COL26A1: variants seen among roughly 807,000 people sequenced by gnomAD.
COL26A1 encodes the protein collagen type XXVI alpha 1 chain.
In COL26A1, 41 loss-of-function variants were observed where a neutral mutation model predicts 59.3. The ratio of observed to expected loss-of-function variants is 0.69; its 90% CI spans 0.54 to 0.90. The LOEUF is 0.90. COL26A1 is among the 40% of genes least tolerant of loss of function. The pLI is 0.00. For missense variants in COL26A1, 612 were observed against 602.3 expected, an observed-to-expected ratio of 1.02 and a Z score of -0.17; for synonymous variants, 266 against 256.0, an observed-to-expected ratio of 1.04 and a Z score of -0.37.
intron 3 of COL26A1, among the ~76,000 whole-genome samples, chr7:101,527,350 A>G (rs939937863): frequency 1.3e-5 from 2 of 151,290 alleles, no homozygotes; most frequent in South Asian, 2.1e-4. Context: ...TCTTTTTGAG[A>G]TGGAGTCTAG....
intron 4 of COL26A1, among the ~76,000 whole-genome samples, chr7:101,538,788 C>T (rs538491676): frequency 6.6e-6 from 1 of 152,306 alleles, no homozygotes; most frequent in East Asian, 1.9e-4. Context: ...ACTTTGTCCC[C>T]AGGGATCCCA....
chr7:101,489,794 C>T (rs1794383070), intron 3 of COL26A1, among the ~76,000 whole-genome samples: 2 of 1,974 alleles, frequency 1.0e-3, no homozygotes, highest in Non-Finnish European at 1.2e-3. Flanking sequence ...TTCTTTCTTT[C>T]TTTCTTTCTT....
At chr7:101,453,609 A>C (rs891265665) in intron 3 of COL26A1, among the ~76,000 whole-genome samples, 2 of 152,086 alleles carry the variant, frequency 1.3e-5, no homozygotes, top group African/African-American at 2.4e-5. Flanking sequence ...TGAAAGTTTT[A>C]GGGTTAAGTG....
intron 8 of COL26A1, among the ~76,000 whole-genome samples, chr7:101,547,641 A>G (rs17135617): frequency 0.04 from 6,150 of 152,320 alleles, 133 homozygotes; most frequent in Middle Eastern, 0.12. Context: ...CATCATCCAC[A>G]TTCCTCATTG....
chr7:101,461,260 G>A (rs1462089353), intron 3 of COL26A1, among the ~76,000 whole-genome samples: 1 of 151,826 alleles, frequency 6.6e-6, no homozygotes, highest in Non-Finnish European at 1.5e-5. Context: ...CAAAGTGCTG[G>A]GATCACAGGT....
chr7:101,368,060 T>G (rs1190337442), intron 1 of COL26A1, among the ~76,000 whole-genome samples: 1 of 152,222 alleles, frequency 6.6e-6, no homozygotes, highest in African/African-American at 2.4e-5. Flanking sequence ...TTCAGGATTT[T>G]GTTGGTTATA....
At chr7:101,543,507 C>G (rs76983442) in intron 5 of COL26A1, among the ~76,000 whole-genome samples, 11,509 of 152,160 alleles carry the variant, frequency 0.076, 478 homozygotes, top group Middle Eastern at 0.11. Flanking sequence ...ACACAGCAAG[C>G]CTTACCTCTC....
intron 3 of COL26A1, among the ~76,000 whole-genome samples, chr7:101,474,161 G>A (rs1418152869): frequency 1.3e-5 from 2 of 152,178 alleles, no homozygotes; most frequent in Admixed American, 6.5e-5. Flanking sequence ...TTTTACAGAT[G>A]AGAAAGATGG....
intron 3 of COL26A1, among the ~76,000 whole-genome samples, chr7:101,511,493 A>C (rs1354776006): frequency 6.6e-6 from 1 of 152,222 alleles, no homozygotes; most frequent in Non-Finnish European, 1.5e-5. Context: ...AGCTATCCTA[A>C]GAAAAGGCGG....
At position 101,362,942 on chromosome 7, in the gene COL26A1, C is replaced by T. The variant is rs4989270; in HGVS notation, c.-91C>T. On this transcript the variant is annotated 5_prime_UTR_variant, in exon 1 of 13. Transcript: ENST00000313669. ...CGCCCCGCTCCTCTCGCTGTGCTCC[C>T]GGCCGGTGCCGCGGGTTCGGTCCGG... 696,752 of 1,342,478 alleles carry T rather than the reference C, an allele frequency of 0.52. 185,236 individuals carry two copies. Among genetic ancestry groups the T allele is most frequent in the African/African-American group, 0.81 (52,902 of 65,392 alleles). 83.2% of individuals were successfully genotyped at this position (1,342,478 alleles called of 1,614,324 possible).
intron 3 of COL26A1, among the ~76,000 whole-genome samples, chr7:101,489,815 TTTC>T (rs1794390433): frequency 8.6e-4 from 4 of 4,668 alleles, no homozygotes; most frequent in Admixed American, 4.1e-3. Flanking sequence ...TCTTTCTTTC[TTTC>T]TTTCTTTCTT....
intron 3 of COL26A1, among the ~76,000 whole-genome samples, chr7:101,464,671 A>C (rs1793712778): frequency 6.6e-6 from 1 of 152,312 alleles, no homozygotes; most frequent in African/African-American, 2.4e-5. Flanking sequence ...TTGGCCTCCC[A>C]AAGTGCTGGA....
chr7:101,504,933 C>A (rs1324714290), intron 3 of COL26A1, among the ~76,000 whole-genome samples: 2 of 152,210 alleles, frequency 1.3e-5, no homozygotes, highest in African/African-American at 2.4e-5. Flanking sequence ...GCGGGCAGAT[C>A]CCTTGAGGTC....
At chr7:101,429,543 T>C (rs1792727494) in intron 2 of COL26A1, among the ~76,000 whole-genome samples, 1 of 151,616 alleles carries the variant, frequency 6.6e-6, no homozygotes, top group South Asian at 2.1e-4. Flanking sequence ...TGAAATCAGA[T>C]AGATTGATTC....
intron 1 of COL26A1, among the ~76,000 whole-genome samples, chr7:101,415,750 CTCCCGAGTAGCT>C (rs1175375335): frequency 1.3e-5 from 2 of 152,260 alleles, no homozygotes; most frequent in East Asian, 1.9e-4. Context: ...CTGCCTCAGC[CTCCCGAGTAGCT>C]GGGACCACAG....
At chr7:101,455,394 G>C (rs937888298) in intron 3 of COL26A1, among the ~76,000 whole-genome samples, 1 of 152,054 alleles carries the variant, frequency 6.6e-6, no homozygotes, top group African/African-American at 2.4e-5. Flanking sequence ...AGAAAACATA[G>C]AAACACGTAG....
At chr7:101,464,000 C>G (rs948206202) in intron 3 of COL26A1, among the ~76,000 whole-genome samples, 3 of 149,974 alleles carry the variant, frequency 2.0e-5, no homozygotes, top group African/African-American at 7.4e-5. Flanking sequence ...GGGTCTTGCT[C>G]TGTCACCCAG....
At chr7:101,387,630 GCT>G (rs374185692) in intron 1 of COL26A1, among the ~76,000 whole-genome samples, 8 of 132,412 alleles carry the variant, frequency 6.0e-5, no homozygotes, top group Non-Finnish European at 9.6e-5. Context: ...TCTCTCTCTC[GCT>G]CTCTCTCTCT....
intron 3 of COL26A1, among the ~76,000 whole-genome samples, chr7:101,519,226 G>A (rs1027821057): frequency 3.9e-5 from 6 of 152,166 alleles, no homozygotes; most frequent in Non-Finnish European, 7.3e-5. Context: ...ACCTTTTTGG[G>A]AGCTCTCCCG....
Sources: allele counts gnomAD v4.1 joint callset (sites outside exome capture counted in the v4.1 genomes callset), GRCh38; gene constraint gnomAD v4.1.1; transcripts MANE v1.5; gene names NCBI Gene and HGNC (gene_info 2026-07-23, HGNC 2026-07-21).